CFAP47: variants seen among roughly 807,000 people sequenced by gnomAD.
CFAP47 encodes the protein cilia- and flagella-associated protein 47.
A neutral mutation model predicts 148.1 loss-of-function variants in CFAP47; 29 were observed. That is an observed-to-expected ratio of 0.20 (90% confidence interval 0.15 to 0.27). The LOEUF (loss-of-function observed/expected upper bound fraction) is 0.27, where lower values mean the gene tolerates loss of function less well. CFAP47 is among the 10% of genes least tolerant of loss of function. The pLI is 1.00. For missense variants in CFAP47, 1,872 were observed against 1,697.5 expected (o/e 1.10, Z -1.81); for synonymous variants, 664 against 577.3 (o/e 1.15, Z -2.15).
chrX:36,189,001 G>A (rs1033762900), intron 41 of CFAP47, among the ~76,000 whole-genome samples: 5 of 110,898 alleles, frequency 4.5e-5, no homozygotes, highest in African/African-American at 1.6e-4. Context: ...CTTATTTTGG[G>A]GACAGGTATC....
chrX:36,143,956 C>A (rs898716711), intron 35 of CFAP47, among the ~76,000 whole-genome samples: 3 of 110,913 alleles, frequency 2.7e-5, no homozygotes, highest in Admixed American at 9.6e-5. Flanking sequence ...CACAATGTAG[C>A]CTGGCACTCC....
chrX:36,320,133 A>C (rs1235676918), intron 57 of CFAP47, among the ~76,000 whole-genome samples: 3 of 111,520 alleles, frequency 2.7e-5, no homozygotes, highest in Admixed American at 1.9e-4. Flanking sequence ...GCCAATATCT[A>C]TTTCTTCTAT....
chrX:36,145,132 T>C (rs1939215360), intron 35 of CFAP47, 87 bp from the exon 36 acceptor site: 3 of 310,601 alleles, frequency 9.7e-6, no homozygotes, highest in Non-Finnish European at 1.7e-5. Context: ...TGTGCATATA[T>C]ACAGATATAT....
chrX:35,987,576 A>T (rs1936734152), intron 15 of CFAP47, among the ~76,000 whole-genome samples: 1 of 111,458 alleles, frequency 9.0e-6, no homozygotes, highest in African/African-American at 3.3e-5. Flanking sequence ...GAGTGAGACC[A>T]CTTGGCTCCC....
chrX:35,926,743 T>C (rs1935747210), intron 2 of CFAP47, among the ~76,000 whole-genome samples: 1 of 111,805 alleles, frequency 8.9e-6, no homozygotes, highest in South Asian at 3.7e-4. Flanking sequence ...GTGGTTTCCA[T>C]AGGTGTTTTC....
chrX:36,348,831 G>A (rs782771386), intron 58 of CFAP47, among the ~76,000 whole-genome samples: 27 of 111,420 alleles, frequency 2.4e-4, no homozygotes, highest in African/African-American at 5.5e-4. Flanking sequence ...TTCAATAATC[G>A]TGCAAAATCT....
At chrX:36,059,257 G>A (rs1937576297) in intron 26 of CFAP47, among the ~76,000 whole-genome samples, 1 of 111,680 alleles carries the variant, frequency 9.0e-6, no homozygotes, top group East Asian at 2.8e-4. Flanking sequence ...GTTTGGATAG[G>A]TCATTCCTGT....
At chrX:36,206,855 G>T (rs1259907182) in intron 45 of CFAP47, among the ~76,000 whole-genome samples, 2 of 111,668 alleles carry the variant, frequency 1.8e-5, no homozygotes, top group Non-Finnish European at 3.8e-5. Flanking sequence ...AAACAATTTT[G>T]AATTATCATT....
chrX:36,135,065 T>C (rs750597057), intron 33 of CFAP47, among the ~76,000 whole-genome samples: 1 of 111,055 alleles, frequency 9.0e-6, no homozygotes, highest in East Asian at 2.9e-4. Flanking sequence ...ATGTTTTCAC[T>C]CATAAGTGGG....
intron 27 of CFAP47, among the ~76,000 whole-genome samples, chrX:36,071,602 C>A (rs1293198048): frequency 2.7e-5 from 3 of 111,739 alleles, no homozygotes; most frequent in African/African-American, 6.5e-5. Context: ...CAAAAAAATT[C>A]ATTTAGTTTA....
chrX:36,174,776 G>A (rs1356721112), intron 39 of CFAP47, among the ~76,000 whole-genome samples: 20 of 110,111 alleles, frequency 1.8e-4, no homozygotes, highest in Non-Finnish European at 3.0e-4. Context: ...ACAATTATGT[G>A]TCTTGGAGTT....
At chrX:36,267,058 G>A (rs1199825316) in intron 49 of CFAP47, among the ~76,000 whole-genome samples, 2 of 112,023 alleles carry the variant, frequency 1.8e-5, no homozygotes, top group Non-Finnish European at 3.8e-5. Flanking sequence ...TAGCCATCTT[G>A]TCCAAGTCTT....
intron 57 of CFAP47, among the ~76,000 whole-genome samples, chrX:36,339,674 A>G (rs2146977810): frequency 8.9e-6 from 1 of 111,857 alleles, no homozygotes; most frequent in South Asian, 3.7e-4. Flanking sequence ...TGTGCATCCT[A>G]TCAACAGTCT....
rs774077232 is a variant in CFAP47, at chrX:36,046,992, C to T, written c.4146C>T (p.His1382=). ...GAATTAATAATAAGCTCACTTGCCA[C>T]CTCAGTTTCAAGTCATCTAAACCTG... is the stretch of plus-strand genomic sequence containing the variant. ...HSGINNKLTC[H]LSFKSSKPVS... The change falls in exon 26 of 64, where the codon CAC becomes CAT. Residue 1382 remains histidine, a synonymous_variant. Coordinates refer to ENST00000378653, the MANE Select transcript of CFAP47 (RefSeq NM_001304548.2). The T allele has an allele frequency of 5.2e-6, 6 of 1,163,262 alleles. No homozygotes were observed. Among genetic ancestry groups the T allele is most frequent in the East Asian group, 3.3e-5 (1 of 30,633 alleles).
At chrX:36,364,699 G>A (rs1941857246) in intron 61 of CFAP47, among the ~76,000 whole-genome samples, 1 of 107,992 alleles carries the variant, frequency 9.3e-6, no homozygotes, top group Admixed American at 1.0e-4. Context: ...GAGTAAAGGA[G>A]GAAATAAGTT....
chrX:36,327,790 A>C (rs1049645774), intron 57 of CFAP47, among the ~76,000 whole-genome samples: 7 of 112,350 alleles, frequency 6.2e-5, no homozygotes, highest in Non-Finnish European at 7.5e-5. Flanking sequence ...AAAAACAATG[A>C]CATCCTGTCC....
chrX:36,122,444 C>T (rs751012000), intron 33 of CFAP47, among the ~76,000 whole-genome samples: 8 of 110,754 alleles, frequency 7.2e-5, no homozygotes, highest in Non-Finnish European at 1.3e-4. Context: ...TTAGATTTGC[C>T]CTTTTGAGGT....
intron 15 of CFAP47, among the ~76,000 whole-genome samples, chrX:35,983,917 A>G (rs1454455357): frequency 9.0e-6 from 1 of 111,590 alleles, no homozygotes; most frequent in Non-Finnish European, 1.9e-5. Context: ...ATTGGCCTGA[A>G]GTTTTCTTTT....
intron 51 of CFAP47, among the ~76,000 whole-genome samples, chrX:36,287,294 A>G (rs1033051079): frequency 2.7e-5 from 3 of 111,406 alleles, no homozygotes; most frequent in Non-Finnish European, 5.7e-5. Flanking sequence ...CCCCATGTAT[A>G]TTATAATGTA....
Sources: allele counts gnomAD v4.1 joint callset (sites outside exome capture counted in the v4.1 genomes callset), GRCh38; gene constraint gnomAD v4.1.1; transcripts MANE v1.5; gene names NCBI Gene and HGNC (gene_info 2026-07-23, HGNC 2026-07-21).